DNER: variants seen among roughly 807,000 people sequenced by gnomAD.
The protein encoded by DNER is delta and Notch-like epidermal growth factor-related receptor.
A neutral mutation model predicts 78.2 loss-of-function variants in DNER; 33 were observed. That is an observed-to-expected ratio of 0.42 (90% CI 0.32 to 0.56). The LOEUF is 0.56. Among genes scored for constraint, DNER ranks in the 20% least tolerant of loss-of-function variants. The pLI, the probability that DNER is intolerant of heterozygous loss-of-function variation, is 0.11. For missense variants in DNER, 918 were observed against 975.3 expected (o/e 0.94, Z 0.78); for synonymous variants, 417 against 384.8 (o/e 1.08, Z -0.98).
intron 1 of DNER, among the ~76,000 whole-genome samples, chr2:229,694,397 C>G (rs1699630818): frequency 6.6e-6 from 1 of 152,174 alleles, no homozygotes; most frequent in Non-Finnish European, 1.5e-5. Flanking sequence ...CCTCCAGACC[C>G]CAGAATGGTA....
chr2:229,714,316 C>T lies in DNER; in HGVS notation c.108G>A (p.Pro36=), dbSNP rs1055432524. 3.1e-6 allele frequency: 4 copies of T among 1,289,688 alleles called. No homozygotes were observed. Among genetic ancestry groups the T allele is most frequent in the Non-Finnish European group, 3.9e-6 (4 of 1,024,412 alleles). 79.9% of individuals were successfully genotyped at this position (1,289,688 alleles called of 1,614,324 possible). A position where few individuals can be genotyped will look rare whatever the true frequency, so the allele number is the denominator to read the frequency against. ...GCGCAGACAGGGGCGCGGCGGGCACCGGGTTGGCCAGGGAGCTGCCTCGGG... is the reference window on the plus strand; with the variant it reads ...GCGCAGACAGGGGCGCGGCGGGCACTGGGTTGGCCAGGGAGCTGCCTCGGG... ...AGPRGSSLAN[P]VPAAPLSAPG... Residue 36 remains proline (P), a synonymous_variant, in exon 1 of 13, where the codon CCG becomes CCA. Transcript: ENST00000341772.
intron 4 of DNER, among the ~76,000 whole-genome samples, chr2:229,577,530 G>A (rs1411840706): frequency 6.6e-6 from 1 of 152,184 alleles, no homozygotes; most frequent in African/African-American, 2.4e-5. Context: ...AGCTACTCAG[G>A]AGGCTGAGGC....
intron 1 of DNER, among the ~76,000 whole-genome samples, chr2:229,665,301 A>T (rs566436508): frequency 3.2e-4 from 49 of 152,312 alleles, no homozygotes; most frequent in African/African-American, 1.2e-3. Flanking sequence ...AGAAAGCCAT[A>T]GTGCCAAGGG....
At chr2:229,495,975 G>A (rs182018185) in intron 6 of DNER, among the ~76,000 whole-genome samples, 1 of 152,292 alleles carries the variant, frequency 6.6e-6, no homozygotes, top group Non-Finnish European at 1.5e-5. Flanking sequence ...TAAACCATGA[G>A]GGTATGACAG....
At chr2:229,455,060 G>C (rs1224340191) in intron 7 of DNER, among the ~76,000 whole-genome samples, 2 of 152,078 alleles carry the variant, frequency 1.3e-5, no homozygotes, top group African/African-American at 4.8e-5. Context: ...CAGACTTAAA[G>C]GCTGAGTCAC....
At chr2:229,492,907 G>C (rs968902958) in intron 6 of DNER, among the ~76,000 whole-genome samples, 2 of 152,116 alleles carry the variant, frequency 1.3e-5, no homozygotes, top group Non-Finnish European at 2.9e-5. Context: ...ATGGCCTCAA[G>C]TTATCGTCCA....
At chr2:229,536,221 G>A (rs1470658748) in intron 5 of DNER, among the ~76,000 whole-genome samples, 1 of 152,174 alleles carries the variant, frequency 6.6e-6, no homozygotes, top group African/African-American at 2.4e-5. Context: ...GTTGGAAATG[G>A]TTTACAGGAG....
At chr2:229,518,845 AT>A (rs1450257567) in intron 5 of DNER, among the ~76,000 whole-genome samples, 1 of 152,004 alleles carries the variant, frequency 6.6e-6, no homozygotes, top group Non-Finnish European at 1.5e-5. Context: ...TTCGTGCACC[AT>A]TTACGAACTC....
rs375743203 is a variant in DNER, at chr2:229,401,623, T to C, written c.1723+5609A>G. 2.2e-4 allele frequency among the ~76,000 whole-genome samples: 33 copies of C among 152,234 alleles called. No individual in the cohort carries two copies. The South Asian group carries it at 6.4e-3, about 30-fold the overall frequency. ...TCCATTTATGCAATATTCTTGAAAT[T>C]ACAAAAATGCAAAATACACTAGTGG... On this transcript the variant is annotated intron_variant, in intron 10 of 12. Transcript: ENST00000341772.
At chr2:229,360,236 T>C (rs1055907141) in intron 12 of DNER, among the ~76,000 whole-genome samples, 3 of 152,154 alleles carry the variant, frequency 2.0e-5, no homozygotes, top group African/African-American at 7.2e-5. Context: ...ACACCACCAC[T>C]AATAATAATT....
intron 1 of DNER, among the ~76,000 whole-genome samples, chr2:229,708,442 G>A (rs1699861417): frequency 6.6e-6 from 1 of 152,252 alleles, no homozygotes; most frequent in Non-Finnish European, 1.5e-5. Flanking sequence ...ATGTGGGGAA[G>A]CAGAGGAAGG....
chr2:229,676,771 G>A (rs529766793), intron 1 of DNER, among the ~76,000 whole-genome samples: 11 of 152,216 alleles, frequency 7.2e-5, no homozygotes, highest in African/African-American at 2.2e-4. Flanking sequence ...CAGAAGTCAC[G>A]GTAAGGGTGG....
intron 4 of DNER, among the ~76,000 whole-genome samples, chr2:229,565,477 A>C (rs904105281): frequency 6.6e-6 from 1 of 152,232 alleles, no homozygotes; most frequent in Non-Finnish European, 1.5e-5. Flanking sequence ...TGTAAAAAAT[A>C]TGTGAATAAA....
chr2:229,376,600 C>A (rs1237339955), intron 11 of DNER, among the ~76,000 whole-genome samples: 1 of 152,114 alleles, frequency 6.6e-6, no homozygotes, highest in Non-Finnish European at 1.5e-5. Flanking sequence ...AATGGAAATA[C>A]CATGTGACAT....
At chr2:229,594,973 AAAAAAAAAAAAAAAAC>A (rs1697682059) in intron 1 of DNER, among the ~76,000 whole-genome samples, 1 of 130,056 alleles carries the variant, frequency 7.7e-6, no homozygotes, top group African/African-American at 3.6e-5. Flanking sequence ...AAAAAAAAAA[AAAAAAAAAAAAAAAAC>A]TCTAAATCTG....
chr2:229,562,048 C>T (rs565374636), intron 4 of DNER, among the ~76,000 whole-genome samples: 5 of 152,172 alleles, frequency 3.3e-5, no homozygotes, highest in African/African-American at 1.2e-4. Flanking sequence ...TGTACTCTAT[C>T]GGTCCTAGAC....
Position 229,708,092 on chromosome 2 carries a change from A to C in DNER, c.276+6056T>G, listed in dbSNP as rs911323607. On this transcript the variant is annotated intron_variant, in intron 1 of 12. Transcript: ENST00000341772. Reference sequence around the variant, plus strand: ...CCATTCTAAGTTCACTTTGAGATGCAAAATCTATACCATTTGAGGAGGGTG... The same window carrying C: ...CCATTCTAAGTTCACTTTGAGATGCCAAATCTATACCATTTGAGGAGGGTG... 3.3e-5 allele frequency among the ~76,000 whole-genome samples: 5 copies of C among 152,234 alleles called. No homozygotes were observed. The East Asian group carries it at 9.6e-4, about 29-fold the overall frequency.
At chr2:229,571,590 T>C (rs1470485227) in intron 4 of DNER, among the ~76,000 whole-genome samples, 1 of 152,148 alleles carries the variant, frequency 6.6e-6, no homozygotes, top group East Asian at 1.9e-4. Flanking sequence ...TGCACTCAAC[T>C]TCTACCCCTG....
intron 1 of DNER, among the ~76,000 whole-genome samples, chr2:229,614,233 A>G (rs1698110520): frequency 6.6e-6 from 1 of 151,958 alleles, no homozygotes; most frequent in South Asian, 2.1e-4. Flanking sequence ...AAAAATAAAT[A>G]AATTCCTAAT....
Sources: allele counts gnomAD v4.1 joint callset (sites outside exome capture counted in the v4.1 genomes callset), GRCh38; gene constraint gnomAD v4.1.1; transcripts MANE v1.5; gene names NCBI Gene and HGNC (gene_info 2026-07-23, HGNC 2026-07-21).